MAN1A1: variants seen among roughly 807,000 people sequenced by gnomAD.
MAN1A1 encodes mannosidase alpha class 1A member 1.
In MAN1A1, 29 loss-of-function variants were observed where a neutral mutation model predicts 70.8. The observed-to-expected ratio is 0.41, with a 90% CI of 0.31 to 0.56. The LOEUF (loss-of-function observed/expected upper bound fraction) is 0.56. Ranked by LOEUF, MAN1A1 falls within the 20% of genes least tolerant of loss-of-function variation. The probability of loss-of-function intolerance (pLI) is 0.29; values close to 1 mark genes in which losing one functional copy is unlikely to be tolerated. For synonymous variants in MAN1A1, 349 were observed against 330.1 expected (o/e 1.06, Z -0.62); for missense variants, 747 against 841.3 (o/e 0.89, Z 1.39).
chr6:119,240,069 T>C (rs1396189294), intron 6 of MAN1A1, among the ~76,000 whole-genome samples: 2 of 152,188 alleles, frequency 1.3e-5, no homozygotes, highest in African/African-American at 4.8e-5. Flanking sequence ...TAAACTGTGG[T>C]AGATGCTATG....
At chr6:119,233,559 T>C (rs1307758644) in intron 6 of MAN1A1, among the ~76,000 whole-genome samples, 1 of 152,210 alleles carries the variant, frequency 6.6e-6, no homozygotes, top group Non-Finnish European at 1.5e-5. Context: ...ATATTTATTG[T>C]TTATGGCAGC....
chr6:119,269,272 G>A, intron 5 of MAN1A1: 1 of 285,582 alleles, frequency 3.5e-6, no homozygotes, highest in Non-Finnish European at 6.9e-6. Context: ...TCTCCTGGGT[G>A]GCTGTCACTG....
At chr6:119,207,740 G>A (rs775533393) in intron 6 of MAN1A1, among the ~76,000 whole-genome samples, 8 of 152,146 alleles carry the variant, frequency 5.3e-5, no homozygotes, top group Non-Finnish European at 8.8e-5. Flanking sequence ...GTATGGACAT[G>A]GGCATTTGAC....
Position 119,253,868 on chromosome 6 carries a change from A to C in MAN1A1, c.898-5514T>G, listed in dbSNP as rs142533541. Among the ~76,000 whole-genome samples, 553 of 152,338 alleles carry C rather than the reference A, an allele frequency of 3.6e-3. 4 individuals are homozygous for C. The highest frequency in any genetic ancestry group is 0.012 in the African/African-American group (519 of 41,584). On this transcript the variant is annotated intron_variant, in intron 5 of 12. Transcript: ENST00000368468. The stretch of plus-strand genomic sequence containing the variant: ...CTGTCTGAAAATAATTATCTCCAGT[A>C]TTCTAGAGTCTCAACCTTTGGCACA...
At chr6:119,256,620 G>T (rs552112492) in intron 5 of MAN1A1, among the ~76,000 whole-genome samples, 10 of 152,080 alleles carry the variant, frequency 6.6e-5, no homozygotes, top group Non-Finnish European at 1.5e-5. Context: ...GAGCATCAGC[G>T]TGGTCAAGGC....
chr6:119,275,220 C>A (rs1423598938), intron 5 of MAN1A1, among the ~76,000 whole-genome samples: 1 of 143,238 alleles, frequency 7.0e-6, no homozygotes, highest in Admixed American at 7.1e-5. Flanking sequence ...AAGCAATTCT[C>A]CTGCCTCAGC....
At chr6:119,217,547 TGA>T (rs1774243280) in intron 6 of MAN1A1, among the ~76,000 whole-genome samples, 1 of 152,232 alleles carries the variant, frequency 6.6e-6, no homozygotes, top group African/African-American at 2.4e-5. Flanking sequence ...CCCAAAGGCG[TGA>T]GCCACTGCGC....
In MAN1A1 at chr6:119,270,396, T is replaced by C. The variant is rs148337529; in HGVS notation, c.897+20287A>G. Among the ~76,000 whole-genome samples the C allele has an allele frequency of 1.4e-4, 22 of 152,330 alleles. No individual in the cohort carries two copies. In the East Asian group the frequency reaches 3.1e-3, roughly 21 times the overall value. ...TTTTTCTTTTTAACATATCATACAATTCACCCATTTAAAGTATACACTTTA... is the reference window on the plus strand; with the variant it reads ...TTTTTCTTTTTAACATATCATACAACTCACCCATTTAAAGTATACACTTTA... On this transcript the variant is annotated intron_variant, in intron 5 of 12. Coordinates refer to ENST00000368468, the MANE Select transcript of MAN1A1 (RefSeq NM_005907.4).
intron 7 of MAN1A1, 32 bp downstream of exon 7, chr6:119,204,727 T>G: frequency 6.2e-7 from 1 of 1,612,226 alleles, no homozygotes; most frequent in Non-Finnish European, 8.5e-7. Flanking sequence ...TAAGTGTTGC[T>G]TTGCAGGCCA....
At chr6:119,256,744 T>G (rs1256699353) in intron 5 of MAN1A1, among the ~76,000 whole-genome samples, 1 of 152,120 alleles carries the variant, frequency 6.6e-6, no homozygotes, top group Non-Finnish European at 1.5e-5. Context: ...GTTCCAATTT[T>G]CTCTTTTGTA....
chr6:119,265,093 C>T (rs370786651), intron 5 of MAN1A1, among the ~76,000 whole-genome samples: 1 of 106,918 alleles, frequency 9.4e-6, no homozygotes, highest in African/African-American at 3.8e-5. Flanking sequence ...TTTTAAGTGC[C>T]TTTTTTAAAT....
intron 2 of MAN1A1, among the ~76,000 whole-genome samples, chr6:119,344,865 T>G (rs1773685288): frequency 6.6e-6 from 1 of 152,218 alleles, no homozygotes; most frequent in South Asian, 2.1e-4. Flanking sequence ...ATTACACAAA[T>G]AGGTCTGGAA....
intron 6 of MAN1A1, among the ~76,000 whole-genome samples, chr6:119,225,728 G>A (rs1417145839): frequency 1.3e-5 from 2 of 152,232 alleles, no homozygotes; most frequent in East Asian, 1.9e-4. Context: ...TAAGACGCAA[G>A]AATGGCATCT....
intron 9 of MAN1A1, among the ~76,000 whole-genome samples, chr6:119,193,338 G>C (rs1488429768): frequency 1.3e-5 from 2 of 152,152 alleles, no homozygotes; most frequent in African/African-American, 4.8e-5. Context: ...AGATTTTTAT[G>C]TGTGGATTTC....
intron 5 of MAN1A1, among the ~76,000 whole-genome samples, chr6:119,260,865 T>C (rs1775587599): frequency 6.6e-6 from 1 of 152,138 alleles, no homozygotes; most frequent in Non-Finnish European, 1.5e-5. Flanking sequence ...CTGAAATAGT[T>C]TGGCAGGCAA....
chr6:119,275,737 C>T (rs572911968), intron 5 of MAN1A1, among the ~76,000 whole-genome samples: 7 of 152,184 alleles, frequency 4.6e-5, no homozygotes, highest in Admixed American at 1.3e-4. Flanking sequence ...CCACTGTGCC[C>T]GGCAACTGCT....
intron 5 of MAN1A1, among the ~76,000 whole-genome samples, chr6:119,249,495 T>A (rs1775260890): frequency 6.6e-6 from 1 of 152,196 alleles, no homozygotes; most frequent in African/African-American, 2.4e-5. Flanking sequence ...GCCGTATGAC[T>A]GAGCATGGTG....
At chr6:119,190,001 A>G in intron 9 of MAN1A1, 118 bp from the exon 10 acceptor site, 1 of 799,142 alleles carries the variant, frequency 1.3e-6, no homozygotes, top group Non-Finnish European at 2.0e-6. Flanking sequence ...GTTTGGTGTT[A>G]AAAATCCATT....
chr6:119,322,436 T>A (rs1304558068), intron 2 of MAN1A1, among the ~76,000 whole-genome samples: 1 of 152,178 alleles, frequency 6.6e-6, no homozygotes, highest in East Asian at 1.9e-4. Context: ...GCAGAACTAA[T>A]GGTAACCACC....
Sources: allele counts gnomAD v4.1 joint callset (sites outside exome capture counted in the v4.1 genomes callset), GRCh38; gene constraint gnomAD v4.1.1; transcripts MANE v1.5; gene names NCBI Gene and HGNC (gene_info 2026-07-23, HGNC 2026-07-21).